DNAH5: variants seen among roughly 807,000 people sequenced by gnomAD.
The protein encoded by DNAH5 is axonemal beta dynein heavy chain 5.
A neutral mutation model predicts 518.2 loss-of-function variants in DNAH5; 372 were observed. The ratio of observed to expected loss-of-function variants is 0.72; its 90% CI spans 0.66 to 0.78. DNAH5 has a LOEUF of 0.78. DNAH5 is among the 30% of genes least tolerant of loss of function. DNAH5 has a pLI of 0.00. For synonymous variants in DNAH5, 2,039 were observed against 2,025.9 expected (o/e 1.01, Z -0.17); for missense variants, 5,523 against 5,687.0 (o/e 0.97, Z 0.93).
intron 1 of DNAH5, among the ~76,000 whole-genome samples, chr5:14,002,317 A>T (rs1784411878): frequency 6.6e-6 from 1 of 152,206 alleles, no homozygotes; most frequent in Non-Finnish European, 1.5e-5. Flanking sequence ...GCACATCTGA[A>T]GAGATCATTA....
intron 40 of DNAH5, among the ~76,000 whole-genome samples, chr5:13,820,862 C>T (rs1196446287): frequency 6.8e-6 from 1 of 147,050 alleles, no homozygotes; most frequent in Non-Finnish European, 1.5e-5. Flanking sequence ...ATGACAATCT[C>T]AATTTACCAT....
At chr5:13,801,956 C>T (rs1363057895) in intron 47 of DNAH5, among the ~76,000 whole-genome samples, 1 of 151,314 alleles carries the variant, frequency 6.6e-6, no homozygotes, top group Non-Finnish European at 1.5e-5. Context: ...CATTTCTAAG[C>T]CAAAAAAAAA....
At chr5:13,713,464 T>TACAC (rs1234554045) in intron 75 of DNAH5, among the ~76,000 whole-genome samples, 16 of 118,768 alleles carry the variant, frequency 1.3e-4, no homozygotes, top group African/African-American at 5.9e-4. Context: ...TATATATATA[T>TACAC]ATACACACAC....
intron 30 of DNAH5, 146 bp from the exon 31 acceptor site, chr5:13,850,961 T>C (rs545788831): frequency 1.3e-4 from 109 of 828,900 alleles, no homozygotes; most frequent in Non-Finnish European, 2.1e-4. Context: ...ACACATTTTA[T>C]TGAAGTTCTT....
At chr5:13,856,619 A>G (rs1767673708) in intron 30 of DNAH5, among the ~76,000 whole-genome samples, 1 of 152,234 alleles carries the variant, frequency 6.6e-6, no homozygotes, top group African/African-American at 2.4e-5. Context: ...AATCTTCAAT[A>G]AAATACAAGC....
Position 13,922,346 on chromosome 5 carries a change from G to A in DNAH5, c.439-18C>T, listed in dbSNP as rs778118682. ...CTCACCTCCTGGAAAACAGGCAGGA[G>A]ATCTTTTATTGTAAAAATCATCCTC... On this transcript the variant is annotated intron_variant, in intron 4 of 78. Coordinates refer to ENST00000265104, the MANE Select transcript of DNAH5 (RefSeq NM_001369.3). The A allele has an allele frequency of 1.2e-6, 2 of 1,603,362 alleles. No homozygotes were observed. Among genetic ancestry groups the A allele is most frequent in the South Asian group, 2.2e-5 (2 of 90,044 alleles).
chr5:13,737,715 G>C (rs573274705), intron 65 of DNAH5, among the ~76,000 whole-genome samples: 1 of 150,700 alleles, frequency 6.6e-6, no homozygotes, highest in African/African-American at 2.4e-5. Context: ...ATTTGAAGTC[G>C]AAAGTTCGAG....
At position 13,862,189 on chromosome 5, in the gene DNAH5, A is replaced by G. The variant is rs531788442; in HGVS notation, c.4796+359T>C. Among the ~76,000 whole-genome samples the G allele has an allele frequency of 2.0e-5, 3 of 152,290 alleles. No individual in the cohort carries two copies. The South Asian group carries it at 6.2e-4, about 32-fold the overall frequency. On this transcript the variant is annotated intron_variant, in intron 29 of 78. Transcript: ENST00000265104. Reference sequence around the variant, plus strand: ...TCAGCAGCAAGCTGAAATGTTCCCAAGAGCCGAGTGGCTAATTATACGTTG... The same window carrying G: ...TCAGCAGCAAGCTGAAATGTTCCCAGGAGCCGAGTGGCTAATTATACGTTG...
chr5:13,926,623 T>C (rs1435493832), intron 3 of DNAH5, among the ~76,000 whole-genome samples: 3 of 152,242 alleles, frequency 2.0e-5, no homozygotes, highest in African/African-American at 7.2e-5. Context: ...TTGAAATGAC[T>C]ATAGAATTTT....
chr5:13,852,075 G>A (rs1167270617), intron 30 of DNAH5, among the ~76,000 whole-genome samples: 1 of 142,080 alleles, frequency 7.0e-6, no homozygotes, highest in African/African-American at 2.6e-5. Context: ...TGCAGACCAG[G>A]AGATTCCCTC....
chr5:13,770,880 C>T lies in DNAH5; in HGVS notation c.9474G>A (p.Glu3158=). The change falls in exon 56 of 79, where the codon GAG becomes GAA. Residue 3158 remains glutamate, a synonymous_variant. Coordinates refer to ENST00000265104, the MANE Select transcript of DNAH5 (RefSeq NM_001369.3). The part of the protein sequence containing the change: ...CMGSFQDGVA[E]KCVDYFQRFR... ...ATCTCTGAAAATAATCAACACACTT[C>T]TCAGCCACCCCATCCTGGAAGGAGC... 6.2e-7 allele frequency: 1 copy of T among 1,614,078 alleles called. No homozygotes were observed. The highest frequency in any genetic ancestry group is 1.3e-5 in the African/African-American group (1 of 75,026).
intron 42 of DNAH5, 91 bp downstream of exon 42, chr5:13,817,457 G>A: frequency 7.6e-7 from 1 of 1,319,324 alleles, no homozygotes; most frequent in Non-Finnish European, 1.1e-6. Flanking sequence ...ATATTATACA[G>A]CAAATACAGT....
intron 1 of DNAH5, among the ~76,000 whole-genome samples, chr5:13,981,910 C>T (rs1782698933): frequency 6.6e-6 from 1 of 152,232 alleles, no homozygotes; most frequent in South Asian, 2.1e-4. Flanking sequence ...GCTAGAAGTG[C>T]TGGCTCTAAT....
rs79792021 is a variant in DNAH5 at position 13,912,976 on chromosome 5, T to G, written c.1536+767A>C. Among the ~76,000 whole-genome samples, 602 of 152,102 alleles carry G rather than the reference T, an allele frequency of 4.0e-3. 8 individuals carry two copies. Among genetic ancestry groups the G allele is most frequent in the African/African-American group, 0.014 (581 of 41,552 alleles). ...TTATCTCTCCCAAAACTTGGTATAC[T>G]CAGGAAATGAAAAAGATTCCTTATA... On this transcript the variant is annotated intron_variant, in intron 11 of 78. Coordinates refer to ENST00000265104, the MANE Select transcript of DNAH5 (RefSeq NM_001369.3).
intron 1 of DNAH5, among the ~76,000 whole-genome samples, chr5:13,951,083 T>A (rs948892223): frequency 5.3e-5 from 8 of 152,146 alleles, no homozygotes; most frequent in Non-Finnish European, 1.2e-4. Context: ...TTTTGCTACC[T>A]TTTAATTGAT....
chr5:13,896,360 T>G (rs1773914297), intron 15 of DNAH5, among the ~76,000 whole-genome samples: 1 of 152,062 alleles, frequency 6.6e-6, no homozygotes, highest in Non-Finnish European at 1.5e-5. Context: ...CTGACTGTCT[T>G]CCTTTCTGGT....
At chr5:13,961,512 C>T (rs1180570922) in intron 1 of DNAH5, among the ~76,000 whole-genome samples, 5 of 152,002 alleles carry the variant, frequency 3.3e-5, no homozygotes, top group Non-Finnish European at 7.4e-5. Context: ...GGTGTGGTGG[C>T]GGGCACCTGT....
chr5:13,915,385 T>C (rs1776536042), intron 9 of DNAH5, among the ~76,000 whole-genome samples: 1 of 152,164 alleles, frequency 6.6e-6, no homozygotes, highest in African/African-American at 2.4e-5. Context: ...TTTTTTACAA[T>C]TAGATAAATG....
intron 27 of DNAH5, 30 bp downstream of exon 27, chr5:13,865,638 G>T: frequency 7.5e-7 from 1 of 1,339,352 alleles, no homozygotes; most frequent in South Asian, 1.2e-5. Context: ...AAGTTCAATT[G>T]CTGGGCATGC....
Sources: gnomAD v4.1 joint callset for allele counts (sites outside exome capture counted in the v4.1 genomes callset) on GRCh38, gnomAD v4.1.1 for gene constraint, MANE v1.5 for transcripts, NCBI Gene and HGNC (gene_info 2026-07-23, HGNC 2026-07-21) for gene names.